Variants in GPHN observed in about 807,000 individuals in gnomAD.
GPHN encodes gephyrin.
A neutral mutation model predicts 95.5 loss-of-function variants in GPHN; 17 were observed. The observed-to-expected ratio is 0.18, with a 90% CI of 0.12 to 0.27. GPHN has a LOEUF of 0.27. GPHN is among the 10% of genes least tolerant of loss of function. The pLI, the probability that GPHN is intolerant of heterozygous loss-of-function variation, is 1.00. For synonymous variants in GPHN, 320 were observed against 322.5 expected, an observed-to-expected ratio of 0.99 and a Z score of 0.08; for missense variants, 660 against 978.1, an observed-to-expected ratio of 0.67 and a Z score of 4.34.
intron 10 of GPHN, among the ~76,000 whole-genome samples, chr14:67,055,794 C>T (rs1045230955): frequency 6.6e-6 from 1 of 152,178 alleles, no homozygotes; most frequent in East Asian, 1.9e-4. Flanking sequence ...GATGGTGTGT[C>T]CGGAGTTTGT....
the GPHN span, among the ~76,000 whole-genome samples, chr14:67,621,830 C>T: frequency 2.6e-5 from 4 of 151,882 alleles, no homozygotes; most frequent in Admixed American, 2.6e-4. Flanking sequence ...GGTGCGGTGG[C>T]TCATGCCTGT....
chr14:66,573,562 C>T (rs1277640572), intron 1 of GPHN, among the ~76,000 whole-genome samples: 1 of 151,562 alleles, frequency 6.6e-6, no homozygotes, highest in Non-Finnish European at 1.5e-5. Context: ...AAGTGATTCT[C>T]CTGCCTCAGC....
the GPHN span, chr14:67,692,302 T>G: frequency 1.2e-6 from 1 of 842,430 alleles, no homozygotes; most frequent in Non-Finnish European, 1.9e-6. Context: ...TCCCAGTGAC[T>G]ATGAGTTCAG....
chr14:66,694,623 A>G (rs7157740), intron 2 of GPHN, among the ~76,000 whole-genome samples: 47,272 of 152,024 alleles, frequency 0.31, 11,173 homozygotes, highest in African/African-American at 0.63. Context: ...CTGCCAGACA[A>G]TAATATAGGA....
chr14:66,669,946 T>C (rs1477444401), intron 1 of GPHN, among the ~76,000 whole-genome samples: 1 of 152,234 alleles, frequency 6.6e-6, no homozygotes, highest in Non-Finnish European at 1.5e-5. Flanking sequence ...TCTTAGCACC[T>C]GTCATTAGCC....
rs78369678 is a variant in GPHN, at chr14:66,922,586, C to T, written c.457-80C>T. 3.3e-3 allele frequency: 3,769 copies of T among 1,148,032 alleles called. 47 individuals are homozygous for T. In the African/African-American group the frequency reaches 0.041, roughly 12 times the overall value. 71.1% of individuals were successfully genotyped at this position (1,148,032 alleles called of 1,614,324 possible). A position where few individuals can be genotyped will look rare whatever the true frequency, so the allele number is the denominator to read the frequency against. On this transcript the variant is annotated intron_variant, in intron 6 of 22. Coordinates refer to ENST00000478722, the MANE Select transcript of GPHN (RefSeq NM_020806.5). The stretch of plus-strand genomic sequence containing the variant: ...GGAGGAAAATGCAAATCCAAAATCA[C>T]GAAACAGTTTGATTGCCACCATCTT...
chr14:66,944,729 T>A (rs774674026), intron 8 of GPHN, among the ~76,000 whole-genome samples: 9 of 152,258 alleles, frequency 5.9e-5, no homozygotes, highest in Non-Finnish European at 1.0e-4. Context: ...GAACTTCGTA[T>A]TCTTATGCAA....
chr14:67,378,847 C>G, the GPHN span, among the ~76,000 whole-genome samples: 2 of 152,286 alleles, frequency 1.3e-5, no homozygotes, highest in Non-Finnish European at 1.5e-5. Flanking sequence ...TTTTACCTTT[C>G]CAGACCTATT....
chr14:67,368,368 G>C, the GPHN span, among the ~76,000 whole-genome samples: 1 of 152,140 alleles, frequency 6.6e-6, no homozygotes, highest in African/African-American at 2.4e-5. Flanking sequence ...CATAAGAAAG[G>C]CATGCTACCA....
chr14:67,393,240 G>A, the GPHN span: 16 of 1,610,670 alleles, frequency 9.9e-6, no homozygotes, highest in South Asian at 7.7e-5. Context: ...TCCACAATGC[G>A]ACTACATGGA....
At chr14:67,526,269 C>G in the GPHN span, among the ~76,000 whole-genome samples, 4 of 152,240 alleles carry the variant, frequency 2.6e-5, no homozygotes, top group African/African-American at 9.6e-5. Context: ...TATCCCATCA[C>G]TTTATCTGTA....
the GPHN span, chr14:67,303,569 G>A: frequency 6.2e-7 from 1 of 1,613,808 alleles, no homozygotes; most frequent in Non-Finnish European, 8.5e-7. Context: ...CCAGTCAACA[G>A]ATCAAGCCGC....
the GPHN span, among the ~76,000 whole-genome samples, chr14:67,531,365 G>A: frequency 7.3e-4 from 111 of 152,238 alleles, 1 homozygote; most frequent in African/African-American, 2.5e-3. Context: ...TGAAACTCAA[G>A]CCTCCTAAAT....
chr14:66,793,360 A>G (rs1177362026), intron 3 of GPHN, among the ~76,000 whole-genome samples: 1 of 152,248 alleles, frequency 6.6e-6, no homozygotes, highest in East Asian at 1.9e-4. Flanking sequence ...GTGGAAGCAA[A>G]GCTGAATTGC....
At chr14:67,546,254 T>C in the GPHN span, among the ~76,000 whole-genome samples, 1 of 152,224 alleles carries the variant, frequency 6.6e-6, no homozygotes, top group Non-Finnish European at 1.5e-5. Context: ...TCTGTCATGG[T>C]CCATTTCTTA....
intron 18 of GPHN, among the ~76,000 whole-genome samples, chr14:67,157,324 C>T (rs556960075): frequency 6.6e-6 from 1 of 151,930 alleles, no homozygotes; most frequent in East Asian, 1.9e-4. Context: ...GTAACATTTG[C>T]AAATTTACTA....
intron 1 of GPHN, among the ~76,000 whole-genome samples, chr14:66,556,201 A>T (rs562954423): frequency 3.3e-4 from 51 of 152,288 alleles, no homozygotes; most frequent in South Asian, 2.7e-3. Context: ...ATATGTCATT[A>T]TGTGGTACAT....
chr14:67,249,041 C>A, the GPHN span, among the ~76,000 whole-genome samples: 1 of 151,904 alleles, frequency 6.6e-6, no homozygotes. Flanking sequence ...CAGCTCACTG[C>A]AACCTCTGCC....
At chr14:67,717,734 C>A in the GPHN span, 1 of 152,268 alleles carries the variant, frequency 6.6e-6, no homozygotes, top group South Asian at 2.1e-4. Flanking sequence ...CTCCTTTACT[C>A]GGAACAGCCA....
Sources: allele counts gnomAD v4.1 joint callset (sites outside exome capture counted in the v4.1 genomes callset), GRCh38; gene constraint gnomAD v4.1.1; transcripts MANE v1.5; gene names NCBI Gene and HGNC (gene_info 2026-07-23, HGNC 2026-07-21).